The following ACP1 variants were observed in gnomAD, a reference collection of about 807,000 sequenced individuals.
ACP1 encodes low molecular weight phosphotyrosine protein phosphatase.
In ACP1, 23 loss-of-function variants were observed where a neutral mutation model predicts 23.4. The observed-to-expected ratio is 0.98, with a 90% CI of 0.71 to 1.39. ACP1 has a LOEUF of 1.39. Among genes scored for constraint, ACP1 ranks in the 40% most tolerant of loss-of-function variants. The pLI, the probability that ACP1 is intolerant of heterozygous loss-of-function variation, is 0.00. For missense variants in ACP1, 180 were observed against 197.7 expected, an observed-to-expected ratio of 0.91 and a Z score of 0.54; for synonymous variants, 72 against 67.2, an observed-to-expected ratio of 1.07 and a Z score of -0.35.
chr2:277,249 C>T lies in ACP1; in HGVS notation c.422C>T (p.Thr141Met), dbSNP rs375641056. The change falls in exon 6 of 6, where the codon ACG becomes ATG. Residue 141 changes from threonine to methionine, a missense_variant. Around this residue, in one of 3 missense-constraint regions of ACP1, gnomAD observed 35 missense variants for 40.5 expected, o/e 0.86. Transcript: ENST00000272065. Reference sequence around the variant, plus strand: ...TAGGGGAATGACTCTGACTTTGAGACGGTGTACCAGCAGTGTGTCAGGTGC... The same window carrying T: ...TAGGGGAATGACTCTGACTTTGAGATGGTGTACCAGCAGTGTGTCAGGTGC... ...PYYGNDSDFE[T>M]VYQQCVRCCR... The T allele has an allele frequency of 1.4e-5, 23 of 1,613,684 alleles. No homozygotes were observed. The highest frequency in any genetic ancestry group is 4.5e-5 in the East Asian group (2 of 44,884).
Position 277,238 on chromosome 2 carries a change from T to C in ACP1, c.411T>C (p.Ser137=). 1 of 1,614,054 alleles carries C rather than the reference T, an allele frequency of 6.2e-7. No homozygotes were observed. Among genetic ancestry groups the C allele is most frequent in the East Asian group, 2.2e-5 (1 of 44,876 alleles). The change falls in exon 6 of 6, where the codon TCT becomes TCC. Residue 137 remains serine (S), a synonymous_variant. Coordinates refer to ENST00000272065, the MANE Select transcript of ACP1 (RefSeq NM_004300.4). ...IIEDPYYGND[S]DFETVYQQCV... ...TCCTGTCCATTTAGGGGAATGACTC[T>C]GACTTTGAGACGGTGTACCAGCAGT...
At chr2:276,408 C>T (rs149737009) in intron 4 of ACP1, among the ~76,000 whole-genome samples, 4 of 152,142 alleles carry the variant, frequency 2.6e-5, no homozygotes, top group Non-Finnish European at 1.5e-5. Flanking sequence ...ACTCATCTGT[C>T]GCAGGTGCTC....
At chr2:272,237 T>C (rs1383656789) in intron 3 of ACP1, 87 bp downstream of exon 3, 20 of 1,614,132 alleles carry the variant, frequency 1.2e-5, no homozygotes, top group Non-Finnish European at 1.5e-5. Context: ...CGTGGGCCGG[T>C]CCCCAGACCC....
chr2:272,163 G>A lies in ACP1; in HGVS notation c.231+13G>A. On this transcript the variant is annotated intron_variant, in intron 3 of 5. Coordinates refer to ENST00000272065, the MANE Select transcript of ACP1 (RefSeq NM_004300.4). ...CGTTGCCCGGCAGGTACCGTCCTTGGACTTGAAGTTGTGTGTTTTGTGTTT... is the reference window on the plus strand; with the variant it reads ...CGTTGCCCGGCAGGTACCGTCCTTGAACTTGAAGTTGTGTGTTTTGTGTTT... The A allele has an allele frequency of 1.2e-6, 2 of 1,614,184 alleles. No homozygotes were observed. Among genetic ancestry groups the A allele is most frequent in the Non-Finnish European group, 1.7e-6 (2 of 1,180,046 alleles).
chr2:273,996 C>T (rs935525092), intron 3 of ACP1, among the ~76,000 whole-genome samples: 1 of 151,982 alleles, frequency 6.6e-6, no homozygotes, highest in East Asian at 1.9e-4. Flanking sequence ...CCCATCTCTA[C>T]CAAAAAAATT....
rs575516219 is a variant in ACP1 at position 277,730 on chromosome 2, C to G, written c.*426C>G. 4.7e-6 allele frequency: 1 copy of G among 212,006 alleles called. No individual in the cohort carries two copies. Among genetic ancestry groups the G allele is most frequent in the African/African-American group, 2.3e-5 (1 of 44,044 alleles). 13.1% of individuals were successfully genotyped at this position (212,006 alleles called of 1,614,324 possible). A position where few individuals can be genotyped will look rare whatever the true frequency, so the allele number is the denominator to read the frequency against. ...GGTGCCCTCTGCTCCCCAGTGCTAC[C>G]TCTCTCTTCCCTAGGGCCTTTTGTG... On this transcript the variant is annotated 3_prime_UTR_variant, in exon 6 of 6. Transcript: ENST00000272065.
chr2:273,978 T>C (rs1670109048), intron 3 of ACP1, among the ~76,000 whole-genome samples: 1 of 151,988 alleles, frequency 6.6e-6, no homozygotes. Flanking sequence ...CTGAGCAACA[T>C]AGTGAGACCC....
At position 271,942 on chromosome 2, in the gene ACP1, A is replaced by C; in HGVS notation, c.117+3A>C. On this transcript the variant is annotated splice_donor_region_variant and intron_variant, in intron 2 of 5. Coordinates refer to ENST00000272065, the MANE Select transcript of ACP1 (RefSeq NM_004300.4). ...CCGATCAAAACATCTCAGAGAATGT[A>C]AGTACCATTCATTATCTTAAAGAGG... 1 of 1,612,094 alleles carries C rather than the reference A, an allele frequency of 6.2e-7. No individual in the cohort carries two copies. Among genetic ancestry groups the C allele is most frequent in the Non-Finnish European group, 8.5e-7 (1 of 1,178,342 alleles).
At chr2:276,363 TC>T (rs1389981213) in intron 4 of ACP1, among the ~76,000 whole-genome samples, 2 of 152,216 alleles carry the variant, frequency 1.3e-5, no homozygotes, top group African/African-American at 2.4e-5. Flanking sequence ...TCTTGGCTGT[TC>T]CGTTCCCACA....
At chr2:270,056 T>C (rs938568340) in intron 1 of ACP1, among the ~76,000 whole-genome samples, 3 of 152,224 alleles carry the variant, frequency 2.0e-5, no homozygotes, top group Admixed American at 6.5e-5. Context: ...TTGTATTTGC[T>C]CCTTCATACG....
chr2:264,951 C>A lies in ACP1; in HGVS notation c.-14C>A. 1 of 1,612,176 alleles carries A rather than the reference C, an allele frequency of 6.2e-7. No individual in the cohort carries two copies. The highest frequency in any genetic ancestry group is 8.5e-7 in the Non-Finnish European group (1 of 1,179,154). ...GGAACGCCGCGGTGTCTCGGCGCCT[C>A]TGCGCGCGGGAAGATGGCGGAACAG... On this transcript the variant is annotated 5_prime_UTR_variant, in exon 1 of 6. The change creates a new upstream start codon in the 5' untranslated region. Coordinates refer to ENST00000272065, the MANE Select transcript of ACP1 (RefSeq NM_004300.4).
At chr2:269,361 T>G in intron 1 of ACP1, 1 of 470,694 alleles carries the variant, frequency 2.1e-6, no homozygotes, top group Non-Finnish European at 4.4e-6. Flanking sequence ...CGTAATATGC[T>G]TAGGTCTTAC....
At chr2:265,430 G>A (rs1669839162) in intron 1 of ACP1, among the ~76,000 whole-genome samples, 1 of 152,222 alleles carries the variant, frequency 6.6e-6, no homozygotes, top group Non-Finnish European at 1.5e-5. Context: ...CCCATGCTTA[G>A]ATAGGGATCT....
intron 3 of ACP1, chr2:274,827 G>A (rs924226082): frequency 5.5e-6 from 1 of 182,448 alleles, no homozygotes; most frequent in Non-Finnish European, 1.1e-5. Flanking sequence ...TTAAATATGT[G>A]ACATTTTAGT....
chr2:274,365 C>T (rs1385274718), intron 3 of ACP1, among the ~76,000 whole-genome samples: 1 of 152,054 alleles, frequency 6.6e-6, no homozygotes, highest in African/African-American at 2.4e-5. Flanking sequence ...CTTATTCTGC[C>T]ATTATTTATA....
chr2:272,107 G>A lies in ACP1; in HGVS notation c.188G>A (p.Cys63Tyr). The A allele has an allele frequency of 6.2e-7, 1 of 1,614,188 alleles. No individual in the cohort carries two copies. Among genetic ancestry groups the A allele is most frequent in the Non-Finnish European group, 8.5e-7 (1 of 1,180,042 alleles). ...CCCCCTGACTACCGAGGGCAGAGCT[G>A]CATGAAGAGGCACGGCATTCCCATG... ...GNPPDYRGQS[C>Y]MKRHGIPMSH... is the part of the protein sequence containing the mutation. The change falls in exon 3 of 6, where the codon TGC becomes TAC. Residue 63 changes from cysteine to tyrosine, a missense_variant. Cys to Tyr is a radical substitution (Grantham distance 194). Coordinates refer to ENST00000272065, the MANE Select transcript of ACP1 (RefSeq NM_004300.4).
intron 2 of ACP1, 36 bp from the exon 3 acceptor site, chr2:271,998 CAAA>C (rs34887991): frequency 1.9e-4 from 286 of 1,479,522 alleles, no homozygotes; most frequent in Admixed American, 8.6e-4. Context: ...CAGGAAATTG[CAAA>C]AAAAAAAAAA....
In ACP1 at chr2:264,948, C is replaced by G. The variant is rs11696071; in HGVS notation, c.-17C>G. 1.2e-6 allele frequency: 2 copies of G among 1,611,864 alleles called. No individual in the cohort carries two copies. Among genetic ancestry groups the G allele is most frequent in the East Asian group, 2.2e-5 (1 of 44,712 alleles). ...TGCGGAACGCCGCGGTGTCTCGGCG[C>G]CTCTGCGCGCGGGAAGATGGCGGAA... On this transcript the variant is annotated 5_prime_UTR_variant, in exon 1 of 6. Transcript: ENST00000272065.
chr2:266,798 T>G (rs1669900257), intron 1 of ACP1, among the ~76,000 whole-genome samples: 1 of 152,218 alleles, frequency 6.6e-6, no homozygotes, highest in Non-Finnish European at 1.5e-5. Context: ...TATAAGTTTT[T>G]TTTTTCTTTC....
Sources: gnomAD v4.1 joint callset for allele counts (sites outside exome capture counted in the v4.1 genomes callset) on GRCh38, gnomAD v4.1.1 for gene constraint, gnomAD v4.1.1 regional missense constraint, MANE v1.5 for transcripts, NCBI Gene and HGNC (gene_info 2026-07-23, HGNC 2026-07-21) for gene names.